NTM: variants seen among roughly 807,000 people sequenced by gnomAD.
NTM encodes the protein neurotrimin, also known as IgLON family member 2.
Under a neutral mutation model 42.1 loss-of-function variants are expected in NTM, and 13 were observed. The observed-to-expected ratio is 0.31, with a 90% confidence interval of 0.20 to 0.49. The LOEUF is 0.49. Ranked by LOEUF, NTM falls within the 20% of genes least tolerant of loss-of-function variation. The pLI is 0.99. For synonymous variants in NTM, 187 were observed against 179.2 expected (o/e 1.04, Z -0.35); for missense variants, 373 against 452.8 (o/e 0.82, Z 1.60).
At chr11:132,278,098 A>G (rs546061867) in intron 4 of NTM, among the ~76,000 whole-genome samples, 10 of 152,332 alleles carry the variant, frequency 6.6e-5, no homozygotes, top group Admixed American at 2.0e-4. Context: ...TCCAATGGAC[A>G]CTTCTTCCTT....
chr11:132,036,788 A>C (rs2076562176), intron 2 of NTM, among the ~76,000 whole-genome samples: 1 of 152,120 alleles, frequency 6.6e-6, no homozygotes, highest in Non-Finnish European at 1.5e-5. Context: ...ATTAATTAAG[A>C]ATTGATGTGT....
At chr11:132,248,510 G>A (rs1463247941) in intron 4 of NTM, among the ~76,000 whole-genome samples, 1 of 152,126 alleles carries the variant, frequency 6.6e-6, no homozygotes, top group Non-Finnish European at 1.5e-5. Flanking sequence ...TTTTAGAGAG[G>A]GAGGGTAGGG....
chr11:131,535,401 G>A (rs2052019620), intron 1 of NTM: 2 of 152,290 alleles, frequency 1.3e-5, no homozygotes, highest in Non-Finnish European at 1.5e-5. Context: ...GAGGACATTA[G>A]GGGCTATGGG....
intron 4 of NTM, among the ~76,000 whole-genome samples, chr11:132,258,151 A>G (rs1024217276): frequency 3.9e-5 from 6 of 152,228 alleles, no homozygotes; most frequent in African/African-American, 1.4e-4. Context: ...AGGCTGGAAC[A>G]TTCAGCTTAA....
intron 2 of NTM, among the ~76,000 whole-genome samples, chr11:132,103,721 A>T (rs966714302): frequency 6.6e-6 from 1 of 152,172 alleles, no homozygotes; most frequent in African/African-American, 2.4e-5. Context: ...TCGTGTCTCA[A>T]CTGTACCACT....
At chr11:131,649,031 C>T (rs2066127989) in intron 1 of NTM, among the ~76,000 whole-genome samples, 1 of 152,174 alleles carries the variant, frequency 6.6e-6, no homozygotes, top group Non-Finnish European at 1.5e-5. Flanking sequence ...TGATGTTGTG[C>T]CCGTGTTTTC....
intron 7 of NTM, among the ~76,000 whole-genome samples, chr11:132,320,404 A>T (rs1424493425): frequency 6.6e-6 from 1 of 152,194 alleles, no homozygotes; most frequent in Non-Finnish European, 1.5e-5. Context: ...CTAATCAAAG[A>T]AAAGGGTGAC....
chr11:131,493,070 A>C (rs910080640), intron 1 of NTM, among the ~76,000 whole-genome samples: 2 of 152,016 alleles, frequency 1.3e-5, no homozygotes, highest in African/African-American at 4.8e-5. Flanking sequence ...AAAGAAAAAA[A>C]TACAAAAATT....
At chr11:131,974,610 G>A (rs182003925) in intron 2 of NTM, among the ~76,000 whole-genome samples, 38 of 152,288 alleles carry the variant, frequency 2.5e-4, no homozygotes, top group African/African-American at 8.7e-4. Flanking sequence ...ATGTAAGCAT[G>A]GGCTCTTGGA....
At chr11:131,490,689 C>T (rs763904613) in intron 1 of NTM, among the ~76,000 whole-genome samples, 31 of 152,210 alleles carry the variant, frequency 2.0e-4, no homozygotes, top group Non-Finnish European at 4.3e-4. Context: ...AAGATAGTCA[C>T]CTGGTCATGT....
chr11:132,254,896 C>T (rs539609943), intron 4 of NTM, among the ~76,000 whole-genome samples: 11 of 152,222 alleles, frequency 7.2e-5, no homozygotes, highest in Middle Eastern at 3.4e-3. Flanking sequence ...GATGGGATAC[C>T]GGGCAACACC....
chr11:132,229,524 A>G (rs1425433893), intron 4 of NTM, among the ~76,000 whole-genome samples: 2 of 152,166 alleles, frequency 1.3e-5, no homozygotes, highest in Non-Finnish European at 2.9e-5. Context: ...GTTTTAAAAT[A>G]TTTTCATATG....
intron 1 of NTM, among the ~76,000 whole-genome samples, chr11:131,648,498 T>C (rs1382738552): frequency 6.6e-6 from 1 of 152,138 alleles, no homozygotes; most frequent in Non-Finnish European, 1.5e-5. Context: ...CTCCCCAACC[T>C]CACCAGCATT....
intron 1 of NTM, among the ~76,000 whole-genome samples, chr11:131,828,555 C>T (rs1467863206): frequency 1.3e-5 from 2 of 151,922 alleles, no homozygotes; most frequent in Non-Finnish European, 2.9e-5. Context: ...TCTGGTATTG[C>T]CACCATCATC....
chr11:131,890,473 T>C (rs938853904), intron 1 of NTM, among the ~76,000 whole-genome samples: 1 of 152,198 alleles, frequency 6.6e-6, no homozygotes, highest in African/African-American at 2.4e-5. Context: ...GCCCTGTGCG[T>C]TGTTTACAGT....
In NTM at chr11:131,746,278, G is replaced by A. The variant is rs561440690; in HGVS notation, c.83-165286G>A. Among the ~76,000 whole-genome samples the A allele has an allele frequency of 2.0e-5, 3 of 152,302 alleles. No homozygotes were observed. The East Asian group carries it at 5.8e-4, about 29-fold the overall frequency. On this transcript the variant is annotated intron_variant, in intron 1 of 8. Coordinates refer to ENST00000683400, the MANE Select transcript of NTM (RefSeq NM_001352005.2). ...CATCAGGGACGGACATCTTTCACGG[G>A]CTGGTTGGGTACATTTCTTACATGC... is the stretch of plus-strand genomic sequence containing the variant.
At chr11:131,806,605 G>A (rs1163438127) in intron 1 of NTM, among the ~76,000 whole-genome samples, 2 of 152,040 alleles carry the variant, frequency 1.3e-5, no homozygotes, top group African/African-American at 4.8e-5. Flanking sequence ...GGGTAATGAG[G>A]CCCAGAAAGG....
intron 2 of NTM, among the ~76,000 whole-genome samples, chr11:132,012,442 C>G (rs1346073063): frequency 3.9e-5 from 5 of 127,464 alleles, no homozygotes; most frequent in Admixed American, 3.1e-4. Context: ...TTTAAATTAG[C>G]ACAGTCTGAA....
intron 1 of NTM, among the ~76,000 whole-genome samples, chr11:131,449,438 T>C (rs951885421): frequency 6.6e-6 from 1 of 152,164 alleles, no homozygotes; most frequent in African/African-American, 2.4e-5. Flanking sequence ...GAGGTCCAGT[T>C]TGAGGAAGGG....
Sources: allele counts gnomAD v4.1 joint callset (sites outside exome capture counted in the v4.1 genomes callset), GRCh38; gene constraint gnomAD v4.1.1; transcripts MANE v1.5; gene names NCBI Gene and HGNC (gene_info 2026-07-23, HGNC 2026-07-21).